DLC1: variants seen among roughly 807,000 people sequenced by gnomAD.
DLC1 encodes the protein DLC1 Rho GTPase activating protein.
In DLC1, 54 loss-of-function variants were observed where a neutral mutation model predicts 140.3. The observed-to-expected ratio is 0.38, with a 90% CI of 0.31 to 0.48. The LOEUF (loss-of-function observed/expected upper bound fraction) is 0.48, where lower values mean the gene tolerates loss of function less well. DLC1 is among the 20% of genes least tolerant of loss of function. DLC1 has a pLI of 0.96. For missense variants in DLC1, 2,536 were observed against 1,907.0 expected, an observed-to-expected ratio of 1.33 and a Z score of -6.14; for synonymous variants, 986 against 728.1, an observed-to-expected ratio of 1.35 and a Z score of -5.70.
At chr8:13,226,708 T>A (rs1828808884) in intron 5 of DLC1, among the ~76,000 whole-genome samples, 1 of 152,202 alleles carries the variant, frequency 6.6e-6, no homozygotes, top group African/African-American at 2.4e-5. Flanking sequence ...TGAATTTTGT[T>A]TCAGAAAACA....
intron 5 of DLC1, among the ~76,000 whole-genome samples, chr8:13,213,787 G>GT (rs1335702480): frequency 0.044 from 6,331 of 142,944 alleles, 394 homozygotes; most frequent in African/African-American, 0.14. Flanking sequence ...GTTTGTTTCC[G>GT]TTTTTTTTTT....
rs1563251837 is a variant in DLC1, at chr8:13,321,548, AAAAAAAAAAAAAAAAAAAG to A, written c.1315-16265_1315-16247del. 6.0e-4 allele frequency among the ~76,000 whole-genome samples: 87 copies of A among 145,432 alleles called. 1 individual carries two copies. Among genetic ancestry groups the A allele is most frequent in the African/African-American group, 2.2e-3 (85 of 38,892 alleles). ...AGAGACTCAGTCTCAAAAAAGAAAA[AAAAAAAAAAAAAAAAAAAG>A]AAACCTAAACAGTTTAGAGCATTTT... On this transcript the variant is annotated intron_variant, in intron 4 of 17. Coordinates refer to ENST00000276297, the MANE Select transcript of DLC1 (RefSeq NM_182643.3).
intron 4 of DLC1, among the ~76,000 whole-genome samples, chr8:13,358,368 G>A (rs1447679206): frequency 6.6e-6 from 1 of 152,206 alleles, no homozygotes; most frequent in East Asian, 1.9e-4. Context: ...TAGTGAGACT[G>A]CCAAGGGTAT....
chr8:13,450,188 G>T (rs995272472), intron 2 of DLC1, among the ~76,000 whole-genome samples: 1 of 151,826 alleles, frequency 6.6e-6, no homozygotes, highest in South Asian at 2.1e-4. Flanking sequence ...AGGCATGGTG[G>T]CCTGGGTGGT....
At chr8:13,228,044 A>C (rs866750771) in intron 5 of DLC1, among the ~76,000 whole-genome samples, 11 of 152,338 alleles carry the variant, frequency 7.2e-5, no homozygotes, top group South Asian at 6.2e-4. Context: ...TAGAAATATT[A>C]GGAAGCTTAC....
chr8:13,098,535 G>T lies in DLC1; in HGVS notation c.3031C>A (p.Pro1011Thr). 6.2e-7 allele frequency: 1 copy of T among 1,614,230 alleles called. No homozygotes were observed. The highest frequency in any genetic ancestry group is 8.5e-7 in the Non-Finnish European group (1 of 1,180,038). ...TGTAGTGATACAGAGTTGAGGCTTGGCCGATGTGAGCTCTGGAAACTGTGC... is the reference window on the plus strand; with the variant it reads ...TGTAGTGATACAGAGTTGAGGCTTGTCCGATGTGAGCTCTGGAAACTGTGC... ...RWHSFQSSHR[P>T]SLNSVSLQIN... Residue 1011 changes from proline (P) to threonine (T), a missense_variant, in exon 10 of 18, where the codon CCA (proline) becomes ACA (threonine). Coordinates refer to ENST00000276297, the MANE Select transcript of DLC1 (RefSeq NM_182643.3).
At chr8:13,202,087 C>A (rs1272849010) in intron 5 of DLC1, among the ~76,000 whole-genome samples, 1 of 151,514 alleles carries the variant, frequency 6.6e-6, no homozygotes, top group Non-Finnish European at 1.5e-5. Flanking sequence ...CTGGGACTAC[C>A]AGTGCGCGCC....
At chr8:13,106,503 A>G (rs1056052916) in intron 7 of DLC1, among the ~76,000 whole-genome samples, 3 of 152,136 alleles carry the variant, frequency 2.0e-5, no homozygotes, top group Admixed American at 6.5e-5. Context: ...ATGCACCATC[A>G]TGCCTGGCTA....
intron 5 of DLC1, among the ~76,000 whole-genome samples, chr8:13,131,576 A>C (rs555681784): frequency 2.5e-5 from 3 of 121,388 alleles, no homozygotes; most frequent in Non-Finnish European, 4.0e-5. Flanking sequence ...GAGTGGGACG[A>C]AGCTTTCTTT....
intron 1 of DLC1, among the ~76,000 whole-genome samples, chr8:13,532,588 C>G (rs1378799927): frequency 6.6e-6 from 1 of 152,138 alleles, no homozygotes; most frequent in Non-Finnish European, 1.5e-5. Flanking sequence ...TTCTCTCTCT[C>G]TCTCTCTCTC....
chr8:13,330,488 C>T (rs966026360), intron 4 of DLC1, among the ~76,000 whole-genome samples: 2 of 152,150 alleles, frequency 1.3e-5, no homozygotes, highest in Non-Finnish European at 2.9e-5. Flanking sequence ...TCCATGCCAC[C>T]CTCCTTTAGC....
At chr8:13,219,851 T>G (rs1055084230) in intron 5 of DLC1, among the ~76,000 whole-genome samples, 1 of 152,128 alleles carries the variant, frequency 6.6e-6, no homozygotes, top group Non-Finnish European at 1.5e-5. Flanking sequence ...TAAAAAGGAA[T>G]GAAGTACTGA....
intron 5 of DLC1, among the ~76,000 whole-genome samples, chr8:13,236,820 A>C (rs1296929066): frequency 2.0e-5 from 3 of 152,106 alleles, no homozygotes; most frequent in Non-Finnish European, 4.4e-5. Flanking sequence ...TGAATTTGCT[A>C]CTTGCCCATG....
chr8:13,110,508 T>C (rs1355137913), intron 7 of DLC1, among the ~76,000 whole-genome samples: 1 of 152,152 alleles, frequency 6.6e-6, no homozygotes, highest in Non-Finnish European at 1.5e-5. Context: ...ATATCAAATA[T>C]GGAATGCTAT....
intron 4 of DLC1, among the ~76,000 whole-genome samples, chr8:13,326,082 C>G (rs1399345506): frequency 6.6e-6 from 1 of 152,138 alleles, no homozygotes; most frequent in African/African-American, 2.4e-5. Context: ...TGTAAGTTCA[C>G]TCTATGATGT....
At chr8:13,089,064 G>C (rs1817815885) in intron 15 of DLC1, among the ~76,000 whole-genome samples, 1 of 151,936 alleles carries the variant, frequency 6.6e-6, no homozygotes, top group South Asian at 2.1e-4. Flanking sequence ...TTCAAGACCA[G>C]CCTGGCCAAC....
At position 13,389,754 on chromosome 8, in the gene DLC1, G is replaced by T. The variant is rs559617699; in HGVS notation, c.1314+3799C>A. ...CAGAGACCTTACACACAAAAGGAAA[G>T]CCAAATTTCTGTGGTTGTTACTGTG... On this transcript the variant is annotated intron_variant, in intron 4 of 17. Coordinates refer to ENST00000276297, the MANE Select transcript of DLC1 (RefSeq NM_182643.3). Among the ~76,000 whole-genome samples, 221 of 152,194 alleles carry T rather than the reference G, an allele frequency of 1.5e-3. 3 individuals are homozygous for T. The highest frequency in any genetic ancestry group is 5.0e-3 in the African/African-American group (208 of 41,522).
rs560713875 is a variant in DLC1, at chr8:13,500,128, T to C, written c.-57A>G. 9.3e-6 allele frequency: 13 copies of C among 1,391,906 alleles called. No homozygotes were observed. The highest frequency in any genetic ancestry group is 6.3e-5 in the Admixed American group (3 of 47,902). The allele number at this position is 1,391,906 out of a possible 1,614,324, so 86.2% of individuals were successfully genotyped here. A position where few individuals can be genotyped will look rare whatever the true frequency, so the allele number is the denominator to read the frequency against. Reference sequence around the variant, plus strand: ...ATATTCCATATGAGGGTAAAGGAGATGGAACTTGATGAAAGATTATTTCAA... The same window carrying C: ...ATATTCCATATGAGGGTAAAGGAGACGGAACTTGATGAAAGATTATTTCAA... On this transcript the variant is annotated 5_prime_UTR_variant, in exon 2 of 18. Coordinates refer to ENST00000276297, the MANE Select transcript of DLC1 (RefSeq NM_182643.3).
chr8:13,366,893 G>C (rs773444904), intron 4 of DLC1, among the ~76,000 whole-genome samples: 7 of 152,076 alleles, frequency 4.6e-5, no homozygotes, highest in Admixed American at 2.0e-4. Flanking sequence ...CATCTCTGTG[G>C]AATTGCTGGG....
Sources: allele counts gnomAD v4.1 joint callset (sites outside exome capture counted in the v4.1 genomes callset), GRCh38; gene constraint gnomAD v4.1.1; transcripts MANE v1.5; gene names NCBI Gene and HGNC (gene_info 2026-07-23, HGNC 2026-07-21).